ARHGAP20: variants seen among roughly 807,000 people sequenced by gnomAD.
ARHGAP20 encodes rho GTPase-activating protein 20.
In ARHGAP20, 34 loss-of-function variants were observed where a neutral mutation model predicts 73.7. The ratio of observed to expected loss-of-function variants is 0.46; its 90% confidence interval spans 0.35 to 0.61. The LOEUF is 0.61. Ranked by LOEUF, ARHGAP20 falls within the 20% of genes least tolerant of loss-of-function variation. ARHGAP20 has a pLI of 0.00. For missense variants in ARHGAP20, 1,314 were observed against 1,420.9 expected (o/e 0.92, Z 1.21); for synonymous variants, 523 against 518.2 (o/e 1.01, Z -0.13).
At chr11:110,620,387 G>A (rs1948603554) in intron 4 of ARHGAP20, among the ~76,000 whole-genome samples, 1 of 152,094 alleles carries the variant, frequency 6.6e-6, no homozygotes, top group Admixed American at 6.6e-5. Context: ...CCCCCCTCAA[G>A]TGATCCTCTC....
At chr11:110,629,453 C>CT (rs1948815972) in intron 3 of ARHGAP20, among the ~76,000 whole-genome samples, 1 of 152,108 alleles carries the variant, frequency 6.6e-6, no homozygotes, top group South Asian at 2.1e-4. Context: ...AAAATAATGA[C>CT]TTTTTCCTCT....
chr11:110,637,030 T>C (rs1244750768), intron 2 of ARHGAP20, among the ~76,000 whole-genome samples: 1 of 152,076 alleles, frequency 6.6e-6, no homozygotes, highest in Non-Finnish European at 1.5e-5. Flanking sequence ...TTTTTATGTA[T>C]TAACATTCCA....
chr11:110,645,017 T>TCTCTC, intron 2 of ARHGAP20, among the ~76,000 whole-genome samples: 1 of 59,998 alleles, frequency 1.7e-5, no homozygotes, highest in South Asian at 5.1e-4. Context: ...CTCTCTCTCT[T>TCTCTC]TTATTTTTTT....
At chr11:110,583,249 T>TA (rs1476718642) in intron 13 of ARHGAP20, among the ~76,000 whole-genome samples, 4 of 152,164 alleles carry the variant, frequency 2.6e-5, no homozygotes, top group Non-Finnish European at 4.4e-5. Flanking sequence ...AATGGAAGCT[T>TA]AGCTGTCCTA....
In ARHGAP20 at chr11:110,583,563, G is replaced by C; in HGVS notation, c.1590C>G (p.Asn530Lys). 1.3e-6 allele frequency: 2 copies of C among 1,595,704 alleles called. No homozygotes were observed. Among genetic ancestry groups the C allele is most frequent in the Non-Finnish European group, 1.7e-6 (2 of 1,170,418 alleles). Residue 530 changes from asparagine to lysine, a missense_variant, in exon 13 of 15, where the codon AAC becomes AAG. By Grantham distance (94) the Asn-to-Lys change is moderately conservative. Transcript: ENST00000683387. ...ACTTCATTACCTTTTTTGTAAATTCGTTTTCTAGTTCTGGGCTGGAGGAAG... is the reference window on the plus strand; with the variant it reads ...ACTTCATTACCTTTTTTGTAAATTCCTTTTCTAGTTCTGGGCTGGAGGAAG... ...PPASSSPELE[N>K]EFTKKVSLLI...
chr11:110,699,085 T>C (rs1420096468), intron 1 of ARHGAP20, among the ~76,000 whole-genome samples: 1 of 151,950 alleles, frequency 6.6e-6, no homozygotes, highest in South Asian at 2.1e-4. Flanking sequence ...CTACTTTTGC[T>C]GTATCCCTGA....
At chr11:110,619,842 G>A (rs1191072928) in intron 4 of ARHGAP20, among the ~76,000 whole-genome samples, 1 of 152,060 alleles carries the variant, frequency 6.6e-6, no homozygotes, top group Non-Finnish European at 1.5e-5. Flanking sequence ...TAGAGTATAT[G>A]TAGTGATAGA....
intron 1 of ARHGAP20, among the ~76,000 whole-genome samples, chr11:110,706,087 G>C (rs1254955319): frequency 2.0e-5 from 3 of 152,158 alleles, no homozygotes; most frequent in Admixed American, 6.5e-5. Flanking sequence ...GGTAGACAGA[G>C]AGGGTAGAAA....
At chr11:110,644,961 T>C (rs1046683544) in intron 2 of ARHGAP20, among the ~76,000 whole-genome samples, 1 of 151,548 alleles carries the variant, frequency 6.6e-6, no homozygotes, top group African/African-American at 2.4e-5. Context: ...AATAACCCCA[T>C]TAAAAATTTT....
rs181311259 is a variant in ARHGAP20 at position 110,597,227 on chromosome 11, C to T, written c.965-5072G>A. ...ATGGGTGCAGCACACCAACATGGCACGTGTATACATATGTAACAAGCCTGC... is the reference window on the plus strand; with the variant it reads ...ATGGGTGCAGCACACCAACATGGCATGTGTATACATATGTAACAAGCCTGC... On this transcript the variant is annotated intron_variant, in intron 9 of 14. Coordinates refer to ENST00000683387, the MANE Select transcript of ARHGAP20 (RefSeq NM_001384657.1). Among the ~76,000 whole-genome samples, 780 of 150,140 alleles carry T rather than the reference C, an allele frequency of 5.2e-3. 11 individuals carry two copies. Among genetic ancestry groups the T allele is most frequent in the African/African-American group, 0.018 (743 of 40,618 alleles).
chr11:110,658,445 C>T (rs1327692045), intron 2 of ARHGAP20, among the ~76,000 whole-genome samples: 2 of 152,070 alleles, frequency 1.3e-5, no homozygotes. Context: ...GTTCCTATCT[C>T]CTCATTGGCA....
chr11:110,577,226 CAAA>C lies in ARHGAP20; in HGVS notation c.*2141_*2143del. 1 of 1,502,294 alleles carries C rather than the reference CAAA, an allele frequency of 6.7e-7. No homozygotes were observed. Among genetic ancestry groups the C allele is most frequent in the Non-Finnish European group, 8.9e-7 (1 of 1,126,746 alleles). The allele number at this position is 1,502,294 out of a possible 1,614,324, so 93.1% of individuals were successfully genotyped here. A position where few individuals can be genotyped will look rare whatever the true frequency, so the allele number is the denominator to read the frequency against. ...TTTGTCAAGATATATTATACAAACT[CAAA>C]GCATTTTAGATAAAGCATCAGTCTA... On this transcript the variant is annotated 3_prime_UTR_variant, in exon 15 of 15. Transcript: ENST00000683387.
intron 2 of ARHGAP20, among the ~76,000 whole-genome samples, chr11:110,655,694 G>A (rs1019873246): frequency 2.2e-4 from 33 of 152,218 alleles, no homozygotes; most frequent in Admixed American, 2.0e-3. Context: ...TCTTTGAAGT[G>A]GGTGAGAGTA....
At chr11:110,658,084 A>G (rs1030900322) in intron 2 of ARHGAP20, among the ~76,000 whole-genome samples, 9 of 152,164 alleles carry the variant, frequency 5.9e-5, no homozygotes, top group Admixed American at 5.2e-4. Context: ...CTTAAAGACT[A>G]TGTGACTTTG....
chr11:110,695,422 T>A (rs1364513708), intron 1 of ARHGAP20, among the ~76,000 whole-genome samples: 1 of 151,642 alleles, frequency 6.6e-6, no homozygotes, highest in African/African-American at 2.4e-5. Context: ...GGAAAGCTTT[T>A]ATTGCAAATC....
At chr11:110,604,621 C>T (rs746449756) in intron 9 of ARHGAP20, among the ~76,000 whole-genome samples, 18 of 152,150 alleles carry the variant, frequency 1.2e-4, no homozygotes, top group Non-Finnish European at 1.9e-4. Flanking sequence ...ATGGAGCTCA[C>T]ATTTTAGTGG....
intron 12 of ARHGAP20, 100 bp downstream of exon 12, chr11:110,586,116 C>T: frequency 3.6e-6 from 2 of 561,106 alleles, no homozygotes; most frequent in Non-Finnish European, 2.8e-6. Context: ...TTAAACTGGT[C>T]CACATGGATA....
chr11:110,664,950 C>T (rs11213522), intron 2 of ARHGAP20, among the ~76,000 whole-genome samples: 1 of 152,058 alleles, frequency 6.6e-6, no homozygotes, highest in African/African-American at 2.4e-5. Flanking sequence ...CCTCAACGAT[C>T]TATAGATTCA....
chr11:110,706,843 C>T (rs140364399), intron 1 of ARHGAP20, among the ~76,000 whole-genome samples: 24 of 152,222 alleles, frequency 1.6e-4, no homozygotes, highest in African/African-American at 4.6e-4. Context: ...CACAATCTCA[C>T]GTATCTGATT....
Sources: gnomAD v4.1 joint callset for allele counts (sites outside exome capture counted in the v4.1 genomes callset) on GRCh38, gnomAD v4.1.1 for gene constraint, MANE v1.5 for transcripts, NCBI Gene and HGNC (gene_info 2026-07-23, HGNC 2026-07-21) for gene names.